The following JPH3 variants were observed in gnomAD, a reference collection of about 807,000 sequenced individuals.
The protein encoded by JPH3 is junctophilin 3.
JPH3 carries 11 observed loss-of-function variants against 59.6 expected under a neutral mutation model. The observed-to-expected ratio is 0.18, with a 90% CI of 0.12 to 0.31. The LOEUF is 0.31. JPH3 is among the 10% of genes least tolerant of loss of function. The pLI, the probability that JPH3 is intolerant of heterozygous loss-of-function variation, is 1.00. For synonymous variants in JPH3, 673 were observed against 483.6 expected (o/e 1.39, Z -5.14); for missense variants, 1,202 against 1,105.7 (o/e 1.09, Z -1.24).
chr16:87,688,131 C>CA (rs1484957787), intron 3 of JPH3, among the ~76,000 whole-genome samples: 2 of 152,206 alleles, frequency 1.3e-5, no homozygotes, highest in Non-Finnish European at 2.9e-5. Flanking sequence ...GACACCCAAC[C>CA]AGCCCAGCCC....
intron 1 of JPH3, among the ~76,000 whole-genome samples, chr16:87,609,176 G>T (rs1054734834): frequency 6.6e-6 from 1 of 152,268 alleles, no homozygotes; most frequent in Admixed American, 6.5e-5. Flanking sequence ...AGTGTCTTCT[G>T]AGGTAACATC....
chr16:87,688,698 C>T (rs1325267833), intron 3 of JPH3, among the ~76,000 whole-genome samples: 3 of 152,096 alleles, frequency 2.0e-5, no homozygotes, highest in South Asian at 2.1e-4. Context: ...TCGGGCAGGA[C>T]GGGGATGCTG....
rs759947716 is a variant in JPH3 at position 87,642,560 on chromosome 16, G to T, written c.383-1698G>T. Among the ~76,000 whole-genome samples the T allele has an allele frequency of 5.3e-5, 8 of 152,364 alleles. No homozygotes were observed. In the East Asian group the frequency reaches 5.8e-4, roughly 11 times the overall value. On this transcript the variant is annotated intron_variant, in intron 1 of 4. Coordinates refer to ENST00000284262, the MANE Select transcript of JPH3 (RefSeq NM_020655.4). The stretch of plus-strand genomic sequence containing the variant: ...GTAAGTCTCGGCCTCCAGGCCTCTG[G>T]TCTGCAGCCTGTGCCACCGTGAGTT...
At position 87,603,524 on chromosome 16, in the gene JPH3, C is replaced by A; in HGVS notation, c.378C>A (p.Asp126Glu). The A allele has an allele frequency of 1.3e-6, 2 of 1,548,264 alleles. No individual in the cohort carries two copies. The highest frequency in any genetic ancestry group is 1.7e-6 in the Non-Finnish European group (2 of 1,146,686). Residue 126 changes from aspartate (D) to glutamate (E), a missense_variant, in exon 1 of 5, where the codon GAC (aspartate) becomes GAA (glutamate). Asp to Glu is a conservative substitution (Grantham distance 45). Transcript: ENST00000284262. ...GCTACGGGACCGAGACCTACTCGGA[C>A]GGAGGTAGGTGCCGCGGGCCGGGCC... ...QDGYGTETYS[D>E]GGTYQGQWVG...
At chr16:87,622,271 T>C (rs1597241275) in intron 1 of JPH3, among the ~76,000 whole-genome samples, 1 of 152,182 alleles carries the variant, frequency 6.6e-6, no homozygotes, top group Non-Finnish European at 1.5e-5. Context: ...AGGGGAAGTT[T>C]CCAGAAAGCC....
chr16:87,675,527 C>T (rs2150869248), intron 2 of JPH3, among the ~76,000 whole-genome samples: 1 of 152,288 alleles, frequency 6.6e-6, no homozygotes, highest in Non-Finnish European at 1.5e-5. Flanking sequence ...ACTGCTGCAG[C>T]CGGAGGCTGC....
intron 2 of JPH3, among the ~76,000 whole-genome samples, chr16:87,645,383 G>C (rs184124956): frequency 6.6e-6 from 1 of 152,366 alleles, no homozygotes; most frequent in Admixed American, 6.5e-5. Flanking sequence ...TTGGAGTGCT[G>C]CTGTGCTAGC....
chr16:87,668,254 T>C (rs890466425), intron 2 of JPH3, among the ~76,000 whole-genome samples: 51 of 152,218 alleles, frequency 3.4e-4, no homozygotes, highest in Non-Finnish European at 8.8e-5. Flanking sequence ...AGCCGGCACA[T>C]GCGTCTGACA....
At position 87,689,814 on chromosome 16, in the gene JPH3, C is replaced by T. The variant is rs753666670; in HGVS notation, c.1454C>T (p.Ala485Val). ...SPLQSFPTSP[A>V]ATPPPAPAAR... ...CTGCAGAGCTTCCCCACCAGCCCCG[C>T]GGCCACCCCGCCGCCCGCGCCCGCC... Residue 485 changes from alanine (A) to valine (V), a missense_variant, in exon 4 of 5, where the codon GCG (alanine) becomes GTG (valine). Ala to Val is a moderately conservative substitution (Grantham distance 64). Transcript: ENST00000284262. The T allele has an allele frequency of 5.0e-5, 79 of 1,577,718 alleles. 1 individual carries two copies. Among genetic ancestry groups the T allele is most frequent in the Non-Finnish European group, 6.5e-5 (76 of 1,162,572 alleles).
At chr16:87,679,730 G>C in intron 2 of JPH3, among the ~76,000 whole-genome samples, 1 of 152,232 alleles carries the variant, frequency 6.6e-6, no homozygotes, top group South Asian at 2.1e-4. Context: ...GCCCACCAGA[G>C]CCTTAGTCCG....
chr16:87,668,322 G>C (rs1374098463), intron 2 of JPH3, among the ~76,000 whole-genome samples: 2 of 152,178 alleles, frequency 1.3e-5, no homozygotes, highest in African/African-American at 4.8e-5. Flanking sequence ...ATCTGGGCCT[G>C]TCCCTTCTCT....
chr16:87,660,254 C>G (rs1055201930), intron 2 of JPH3, among the ~76,000 whole-genome samples: 6 of 152,176 alleles, frequency 3.9e-5, no homozygotes, highest in Admixed American at 1.3e-4. Flanking sequence ...TCCCTGGATT[C>G]TGTTTCAGAG....
intron 1 of JPH3, among the ~76,000 whole-genome samples, chr16:87,612,870 A>G (rs1045469999): frequency 6.6e-6 from 1 of 151,460 alleles, no homozygotes; most frequent in African/African-American, 2.4e-5. Flanking sequence ...TACAAAAAAA[A>G]TATTAGCTGG....
chr16:87,649,945 G>A (rs755913789), intron 2 of JPH3, among the ~76,000 whole-genome samples: 29 of 152,326 alleles, frequency 1.9e-4, no homozygotes, highest in South Asian at 6.2e-4. Flanking sequence ...TCTCTGCTGC[G>A]TCTCGTGCAA....
At chr16:87,688,152 G>A (rs530277518) in intron 3 of JPH3, among the ~76,000 whole-genome samples, 75 of 152,212 alleles carry the variant, frequency 4.9e-4, no homozygotes, top group African/African-American at 1.6e-3. Flanking sequence ...TGTTTCTGGG[G>A]AGTGACCACA....
rs900349372 is a variant in JPH3 at position 87,689,942 on chromosome 16, C to T, written c.1582C>T (p.Arg528Cys). ...LLEGRAGDCA[R>C]SSWGEEQAGG... ...GGAGGGCCGGGCCGGGGACTGCGCCCGCAGCAGCTGGGGCGAGGAGCAGGC... is the reference window on the plus strand; with the variant it reads ...GGAGGGCCGGGCCGGGGACTGCGCCTGCAGCAGCTGGGGCGAGGAGCAGGC... The change falls in exon 4 of 5, where the codon CGC (arginine) becomes TGC (cysteine). Residue 528 changes from arginine to cysteine, a missense_variant. By Grantham distance (180) the Arg-to-Cys change is radical. Transcript: ENST00000284262. The T allele has an allele frequency of 6.2e-6, 9 of 1,449,100 alleles. No homozygotes were observed. The highest frequency in any genetic ancestry group is 2.8e-5 in the Admixed American group (1 of 36,302). 89.8% of individuals were successfully genotyped at this position (1,449,100 alleles called of 1,614,324 possible). A position where few individuals can be genotyped will look rare whatever the true frequency, so the allele number is the denominator to read the frequency against.
intron 1 of JPH3, chr16:87,604,951 G>A (rs997152798): frequency 2.2e-6 from 1 of 453,632 alleles, no homozygotes; most frequent in South Asian, 1.6e-5. Context: ...GGGAGCAGAC[G>A]GTGCTCCCTT....
chr16:87,652,424 A>G (rs1299481063), intron 2 of JPH3, among the ~76,000 whole-genome samples: 1 of 152,264 alleles, frequency 6.6e-6, no homozygotes, highest in African/African-American at 2.4e-5. Flanking sequence ...TTAAGATATA[A>G]TGCTATAGCA....
At chr16:87,691,515 T>C (rs1396904200) in intron 4 of JPH3, among the ~76,000 whole-genome samples, 1 of 151,964 alleles carries the variant, frequency 6.6e-6, no homozygotes, top group Non-Finnish European at 1.5e-5. Flanking sequence ...GGGGGGACCA[T>C]TGGTAGGTTT....
Sources: allele counts gnomAD v4.1 joint callset (sites outside exome capture counted in the v4.1 genomes callset), GRCh38; gene constraint gnomAD v4.1.1; transcripts MANE v1.5; gene names NCBI Gene and HGNC (gene_info 2026-07-23, HGNC 2026-07-21).